Variants in NHS observed in about 807,000 individuals in gnomAD.
NHS encodes actin remodeling regulator NHS.
In NHS, 5 loss-of-function variants were observed where a neutral mutation model predicts 72.5. That is an observed-to-expected ratio of 0.07 (90% CI 0.04 to 0.14). The LOEUF is 0.14. NHS is among the 10% of genes least tolerant of loss of function. The pLI is 1.00. For synonymous variants in NHS, 464 were observed against 547.7 expected (o/e 0.85, Z 2.13); for missense variants, 1,072 against 1,355.7 (o/e 0.79, Z 3.29).
intron 1 of NHS, among the ~76,000 whole-genome samples, chrX:17,426,421 G>A (rs1284188554): frequency 1.8e-5 from 2 of 111,747 alleles, no homozygotes; most frequent in Admixed American, 9.5e-5. Context: ...ACCTGAGAGA[G>A]AGCTTCATGA....
At chrX:17,413,275 G>A (rs1382066678) in intron 1 of NHS, among the ~76,000 whole-genome samples, 1 of 112,383 alleles carries the variant, frequency 8.9e-6, no homozygotes, top group East Asian at 2.8e-4. Flanking sequence ...CTGTGGGATT[G>A]TGGCTACCTT....
chrX:17,698,928 A>G (rs1018507937), intron 3 of NHS, among the ~76,000 whole-genome samples: 2 of 111,410 alleles, frequency 1.8e-5, no homozygotes, highest in African/African-American at 6.5e-5. Flanking sequence ...GTTTCCATAC[A>G]TATGTATATA....
intron 1 of NHS, among the ~76,000 whole-genome samples, chrX:17,519,590 G>A (rs923005844): frequency 2.7e-5 from 3 of 111,490 alleles, no homozygotes; most frequent in African/African-American, 6.5e-5. Context: ...CACACCATCC[G>A]CCCGGATGTT....
intron 1 of NHS, among the ~76,000 whole-genome samples, chrX:17,676,845 T>C (rs2066085157): frequency 8.9e-6 from 1 of 112,633 alleles, no homozygotes; most frequent in African/African-American, 3.2e-5. Context: ...GCCCTTCTGG[T>C]AAAGCTAACC....
chrX:17,700,455 G>A (rs762324851), intron 3 of NHS, among the ~76,000 whole-genome samples: 1 of 105,692 alleles, frequency 9.5e-6, no homozygotes, highest in Admixed American at 1.0e-4. Context: ...AAAAAAAAAA[G>A]AAAAGAAAAA....
At chrX:17,541,526 TTGATAA>T (rs754612199) in intron 1 of NHS, among the ~76,000 whole-genome samples, 29 of 111,496 alleles carry the variant, frequency 2.6e-4, no homozygotes, top group African/African-American at 9.5e-4. Flanking sequence ...AAATTGAATG[TTGATAA>T]TGATAATGAT....
At chrX:17,587,419 T>C (rs58684845) in intron 1 of NHS, among the ~76,000 whole-genome samples, 3,533 of 112,552 alleles carry the variant, frequency 0.031, 142 homozygotes, top group African/African-American at 0.1. Context: ...CTCCATGCAG[T>C]GCCTTTCGGG....
Position 17,727,364 on chromosome X carries a change from T to C in NHS, c.3258T>C (p.Pro1086=), listed in dbSNP as rs765960603. ...SKDLELPIIP[P]THLDLSALHN... ...ACCTTGAACTTCCAATTATACCTCC[T>C]ACCCATCTTGATCTAAGTGCTCTTC... Residue 1086 remains proline, a synonymous_variant, in exon 7 of 9, where the codon CCT becomes CCC. Coordinates refer to ENST00000676302, the MANE Select transcript of NHS (RefSeq NM_001291867.2). The C allele has an allele frequency of 2.0e-5, 24 of 1,208,102 alleles. No homozygotes were observed. The highest frequency in any genetic ancestry group is 2.7e-5 in the Non-Finnish European group (24 of 893,306).
chrX:17,427,797 A>C (rs1235515825), intron 1 of NHS, among the ~76,000 whole-genome samples: 1 of 111,483 alleles, frequency 9.0e-6, no homozygotes, highest in African/African-American at 3.4e-5. Flanking sequence ...TATATTTTTT[A>C]AAAAATCAAG....
At chrX:17,637,027 G>A (rs1439640797) in intron 1 of NHS, among the ~76,000 whole-genome samples, 1 of 111,816 alleles carries the variant, frequency 8.9e-6, no homozygotes, top group East Asian at 2.8e-4. Flanking sequence ...CCCGATAACA[G>A]TGCATGTTTT....
intron 1 of NHS, among the ~76,000 whole-genome samples, chrX:17,563,879 C>T (rs181220051): frequency 9.0e-6 from 1 of 111,124 alleles, no homozygotes; most frequent in East Asian, 2.8e-4. Flanking sequence ...ATTTTCAGGG[C>T]AGTGCTATGC....
At chrX:17,516,571 GCA>G (rs765423925) in intron 1 of NHS, among the ~76,000 whole-genome samples, 11,139 of 91,331 alleles carry the variant, frequency 0.12, 514 homozygotes, top group African/African-American at 0.15. Flanking sequence ...ACACACACGC[GCA>G]CACACACACA....
intron 1 of NHS, among the ~76,000 whole-genome samples, chrX:17,398,002 A>G (rs2064484788): frequency 1.8e-5 from 2 of 112,466 alleles, no homozygotes; most frequent in African/African-American, 6.5e-5. Context: ...GCAGTGATAC[A>G]AAAGGGACCA....
intron 1 of NHS, among the ~76,000 whole-genome samples, chrX:17,684,633 C>T (rs2066151031): frequency 8.9e-6 from 1 of 112,154 alleles, no homozygotes; most frequent in African/African-American, 3.2e-5. Flanking sequence ...ATCTCTGTTG[C>T]TTTTTGTCTC....
chrX:17,664,308 A>T (rs977830692), intron 1 of NHS, among the ~76,000 whole-genome samples: 2 of 111,846 alleles, frequency 1.8e-5, no homozygotes, highest in African/African-American at 6.5e-5. Context: ...TTCTTCTAGG[A>T]GTTTTATGGT....
chrX:17,449,059 G>A (rs956961828), intron 1 of NHS, among the ~76,000 whole-genome samples: 20 of 112,699 alleles, frequency 1.8e-4, no homozygotes, highest in African/African-American at 6.4e-4. Context: ...ATTTACCTGA[G>A]GTCACACAGC....
intron 1 of NHS, among the ~76,000 whole-genome samples, chrX:17,454,251 A>G (rs1284154157): frequency 8.9e-6 from 1 of 111,740 alleles, no homozygotes; most frequent in Non-Finnish European, 1.9e-5. Context: ...TAGAAAGCCA[A>G]GTAAAGGAAG....
intron 1 of NHS, among the ~76,000 whole-genome samples, chrX:17,656,387 G>A (rs1017461222): frequency 3.5e-5 from 4 of 113,139 alleles, no homozygotes; most frequent in African/African-American, 1.3e-4. Context: ...GGACCAGCCT[G>A]GGGGGAGGGG....
At chrX:17,544,219 C>T (rs1216198071) in intron 1 of NHS, among the ~76,000 whole-genome samples, 1 of 112,089 alleles carries the variant, frequency 8.9e-6, no homozygotes, top group Non-Finnish European at 1.9e-5. Context: ...CAAATGGAGA[C>T]ACGAAGAAGT....
Sources: gnomAD v4.1 joint callset for allele counts (sites outside exome capture counted in the v4.1 genomes callset) on GRCh38, gnomAD v4.1.1 for gene constraint, MANE v1.5 for transcripts, NCBI Gene and HGNC (gene_info 2026-07-23, HGNC 2026-07-21) for gene names.